Variants in LRRC4C observed in about 807,000 individuals in gnomAD.
LRRC4C encodes the protein leucine-rich repeat-containing protein 4C.
A neutral mutation model predicts 33.6 loss-of-function variants in LRRC4C; 5 were observed. The ratio of observed to expected loss-of-function variants is 0.15; its 90% CI spans 0.08 to 0.31. LRRC4C has a LOEUF of 0.31. LRRC4C is among the 10% of genes least tolerant of loss of function. LRRC4C has a pLI of 1.00. For synonymous variants in LRRC4C, 329 were observed against 302.0 expected (o/e 1.09, Z -0.93); for missense variants, 560 against 796.7 (o/e 0.70, Z 3.58).
intron 5 of LRRC4C, among the ~76,000 whole-genome samples, chr11:40,147,518 A>C (rs2135062917): frequency 6.6e-6 from 1 of 152,006 alleles, no homozygotes; most frequent in East Asian, 1.9e-4. Flanking sequence ...TTTTTTTCTC[A>C]TTCAACATTA....
At chr11:40,395,258 G>T (rs906273370) in intron 3 of LRRC4C, among the ~76,000 whole-genome samples, 1 of 152,022 alleles carries the variant, frequency 6.6e-6, no homozygotes, top group Non-Finnish European at 1.5e-5. Context: ...ATAAACTTTT[G>T]GCATTGCCTG....
intron 2 of LRRC4C, among the ~76,000 whole-genome samples, chr11:40,918,526 G>T (rs1957051977): frequency 6.6e-6 from 1 of 151,868 alleles, no homozygotes. Flanking sequence ...GATGCATCAT[G>T]CCCTTTTTTA....
chr11:41,303,212 C>T (rs1591204431), intron 1 of LRRC4C, among the ~76,000 whole-genome samples: 1 of 150,264 alleles, frequency 6.7e-6, no homozygotes, highest in African/African-American at 2.4e-5. Context: ...ATTCTCCTGC[C>T]TCAGTCTACC....
chr11:40,743,285 A>T (rs77967315), intron 2 of LRRC4C, among the ~76,000 whole-genome samples: 1 of 152,158 alleles, frequency 6.6e-6, no homozygotes, highest in Non-Finnish European at 1.5e-5. Flanking sequence ...TGTCATTCTT[A>T]AAACAATTTC....
chr11:40,274,544 A>G (rs1347588860), intron 4 of LRRC4C, among the ~76,000 whole-genome samples: 1 of 151,942 alleles, frequency 6.6e-6, no homozygotes, highest in Non-Finnish European at 1.5e-5. Context: ...GCATAATGAA[A>G]AGGGAGACAG....
chr11:40,353,091 T>C (rs950488989), intron 3 of LRRC4C, among the ~76,000 whole-genome samples: 1 of 152,190 alleles, frequency 6.6e-6, no homozygotes, highest in Admixed American at 6.5e-5. Context: ...TGCTCTATAA[T>C]GTTCTTGTAC....
At chr11:41,048,205 T>C (rs1327189388) in intron 1 of LRRC4C, among the ~76,000 whole-genome samples, 1 of 151,594 alleles carries the variant, frequency 6.6e-6, no homozygotes, top group Non-Finnish European at 1.5e-5. Flanking sequence ...CAATGTGTGT[T>C]GGGATGTGTA....
rs188759456 is a variant in LRRC4C at position 40,772,005 on chromosome 11, G to A, written c.-406-123727C>T. 3.7e-3 allele frequency among the ~76,000 whole-genome samples: 562 copies of A among 152,144 alleles called. 2 individuals are homozygous for A. The highest frequency in any genetic ancestry group is 6.1e-3 in the Non-Finnish European group (413 of 68,018). ...CTTACTGTTACCTAGTTCCAAAGTCGCTTCCACATGTTCAGGTATCTTTAT... is the reference window on the plus strand; with the variant it reads ...CTTACTGTTACCTAGTTCCAAAGTCACTTCCACATGTTCAGGTATCTTTAT... On this transcript the variant is annotated intron_variant, in intron 2 of 6. Transcript: ENST00000528697.
At chr11:40,391,352 T>C (rs1949328476) in intron 3 of LRRC4C, among the ~76,000 whole-genome samples, 1 of 98,182 alleles carries the variant, frequency 1.0e-5, no homozygotes, top group African/African-American at 3.9e-5. Flanking sequence ...CATTCACAAA[T>C]CTGATGTATG....
chr11:41,159,319 C>T (rs975925024), intron 1 of LRRC4C, among the ~76,000 whole-genome samples: 1 of 151,752 alleles, frequency 6.6e-6, no homozygotes, highest in African/African-American at 2.4e-5. Flanking sequence ...AAAAATAAAA[C>T]ATTAAAATTA....
intron 4 of LRRC4C, among the ~76,000 whole-genome samples, chr11:40,312,823 T>G (rs1399817697): frequency 6.6e-6 from 1 of 152,120 alleles, no homozygotes; most frequent in Non-Finnish European, 1.5e-5. Context: ...CGAAAGACAT[T>G]TATTTGAGCA....
chr11:40,255,667 G>A (rs1867150106), intron 4 of LRRC4C, among the ~76,000 whole-genome samples: 1 of 152,104 alleles, frequency 6.6e-6, no homozygotes. Context: ...CTGAAACTCA[G>A]CCTCCTCATT....
chr11:41,279,743 G>GC (rs1329554713), intron 1 of LRRC4C, among the ~76,000 whole-genome samples: 1 of 152,020 alleles, frequency 6.6e-6, no homozygotes, highest in African/African-American at 2.4e-5. Flanking sequence ...TGTCCAACTG[G>GC]CACCTTGGAT....
intron 1 of LRRC4C, among the ~76,000 whole-genome samples, chr11:41,111,983 A>G (rs903765540): frequency 2.0e-5 from 3 of 152,088 alleles, no homozygotes; most frequent in African/African-American, 7.2e-5. Context: ...AAGCAAGTTA[A>G]GAGATGACGA....
intron 2 of LRRC4C, among the ~76,000 whole-genome samples, chr11:40,697,530 A>G (rs183139348): frequency 6.6e-5 from 10 of 152,296 alleles, no homozygotes; most frequent in Non-Finnish European, 1.2e-4. Context: ...AAATCTGAAC[A>G]CTTTGAGATG....
intron 3 of LRRC4C, among the ~76,000 whole-genome samples, chr11:40,384,254 T>C (rs1421622022): frequency 6.6e-6 from 1 of 151,994 alleles, no homozygotes; most frequent in Non-Finnish European, 1.5e-5. Flanking sequence ...AAGATGATGG[T>C]TAAAGAAACA....
At chr11:40,848,202 T>G (rs1291573451) in intron 2 of LRRC4C, among the ~76,000 whole-genome samples, 2 of 152,124 alleles carry the variant, frequency 1.3e-5, no homozygotes. Context: ...TTTGAATTTG[T>G]TTGCTCTTGC....
intron 2 of LRRC4C, among the ~76,000 whole-genome samples, chr11:40,716,059 A>C (rs373328334): frequency 2.2e-4 from 33 of 149,628 alleles, no homozygotes; most frequent in African/African-American, 7.9e-4. Context: ...CAAAAAAAAA[A>C]CAAAACCCAG....
chr11:40,871,557 G>A (rs1954648033), intron 2 of LRRC4C, among the ~76,000 whole-genome samples: 1 of 152,096 alleles, frequency 6.6e-6, no homozygotes, highest in Non-Finnish European at 1.5e-5. Context: ...CAGCTTGAAT[G>A]ATTACATATC....
Sources: gnomAD v4.1 joint callset for allele counts (sites outside exome capture counted in the v4.1 genomes callset) on GRCh38, gnomAD v4.1.1 for gene constraint, MANE v1.5 for transcripts, NCBI Gene and HGNC (gene_info 2026-07-23, HGNC 2026-07-21) for gene names.